Variants in ARHGAP35 observed in about 807,000 individuals in gnomAD.
The protein encoded by ARHGAP35 is rho GTPase-activating protein 35.
In ARHGAP35, 15 loss-of-function variants were observed where a neutral mutation model predicts 111.1. That is an observed-to-expected ratio of 0.13 (90% CI 0.09 to 0.21). ARHGAP35 has a LOEUF of 0.21. Ranked by LOEUF, ARHGAP35 falls within the 10% of genes least tolerant of loss-of-function variation. The probability of loss-of-function intolerance (pLI) is 1.00; values close to 1 mark genes in which losing one functional copy is unlikely to be tolerated. For synonymous variants in ARHGAP35, 643 were observed against 710.3 expected (o/e 0.91, Z 1.51); for missense variants, 1,262 against 1,873.0 (o/e 0.67, Z 6.02).
intron 1 of ARHGAP35, among the ~76,000 whole-genome samples, chr19:46,868,873 T>C (rs574061956): frequency 1.4e-4 from 21 of 151,558 alleles, no homozygotes; most frequent in African/African-American, 5.1e-4. Context: ...TCTTGAGTTA[T>C]TTAGGTGGAG....
chr19:46,895,321 G>A (rs1007547394), intron 1 of ARHGAP35, among the ~76,000 whole-genome samples: 74 of 152,050 alleles, frequency 4.9e-4, no homozygotes, highest in African/African-American at 1.7e-3. Context: ...TCACCACCAC[G>A]CCCGGCTAAT....
intron 1 of ARHGAP35, among the ~76,000 whole-genome samples, chr19:46,900,435 G>C (rs999838213): frequency 3.3e-5 from 5 of 152,140 alleles, no homozygotes; most frequent in African/African-American, 1.2e-4. Context: ...TGGCCAGGCT[G>C]GTCTCGAACT....
At chr19:46,987,155 A>G (rs558563441) in intron 3 of ARHGAP35, among the ~76,000 whole-genome samples, 26 of 151,752 alleles carry the variant, frequency 1.7e-4, no homozygotes, top group Admixed American at 5.3e-4. Context: ...CACCCTGCGC[A>G]AGTTAATTTT....
rs2056660594 is a variant in ARHGAP35 at position 46,988,085 on chromosome 19, A to G, written c.3904+19A>G. On this transcript the variant is annotated intron_variant, in intron 4 of 6. Coordinates refer to ENST00000672722, the MANE Select transcript of ARHGAP35 (RefSeq NM_004491.5). This position sits in a 1 kb window ranked among gnomAD's most constrained non-coding sequence, Gnocchi z 5.4. The stretch of plus-strand genomic sequence containing the variant: ...GATCAAGGTAAAGTGCAGCCTGGCC[A>G]GGCATCCGAGGCCAGAGCTGGTCAA... 1 of 1,610,402 alleles carries G rather than the reference A, an allele frequency of 6.2e-7. No individual in the cohort carries two copies. The highest frequency in any genetic ancestry group is 1.7e-5 in the Admixed American group (1 of 59,732).
At chr19:46,938,653 G>A (rs919833897) in intron 3 of ARHGAP35, among the ~76,000 whole-genome samples, 8 of 146,134 alleles carry the variant, frequency 5.5e-5, no homozygotes, top group East Asian at 4.2e-4. Context: ...GTGCCCAGCC[G>A]AAGATAGCAT....
intron 1 of ARHGAP35, among the ~76,000 whole-genome samples, chr19:46,914,145 G>T (rs906098451): frequency 2.0e-5 from 3 of 152,164 alleles, no homozygotes; most frequent in African/African-American, 7.2e-5. Flanking sequence ...TAGTAAAACT[G>T]CATTATCTAG....
At chr19:46,968,676 A>G (rs2122287592) in intron 3 of ARHGAP35, among the ~76,000 whole-genome samples, 1 of 152,370 alleles carries the variant, frequency 6.6e-6, no homozygotes, top group Admixed American at 6.5e-5. Flanking sequence ...CGTGCTACAG[A>G]TGGATGAACC....
At chr19:46,871,300 C>T (rs2122121602) in intron 1 of ARHGAP35, among the ~76,000 whole-genome samples, 1 of 152,292 alleles carries the variant, frequency 6.6e-6, no homozygotes, top group East Asian at 1.9e-4. Context: ...GCTATCAGGC[C>T]TGCAAACAAG....
At chr19:46,891,571 C>G (rs536797133) in intron 1 of ARHGAP35, among the ~76,000 whole-genome samples, 1 of 151,988 alleles carries the variant, frequency 6.6e-6, no homozygotes, top group Non-Finnish European at 1.5e-5. Flanking sequence ...GGACTACAGG[C>G]TAGCACCACC....
intron 1 of ARHGAP35, among the ~76,000 whole-genome samples, chr19:46,887,211 G>A (rs2055997100): frequency 6.6e-6 from 1 of 152,094 alleles, no homozygotes; most frequent in Admixed American, 6.6e-5. Context: ...ATGGGGGGTG[G>A]GGGAGCATAT....
chr19:46,978,672 G>A (rs1390198620), intron 3 of ARHGAP35, among the ~76,000 whole-genome samples: 1 of 50,432 alleles, frequency 2.0e-5, no homozygotes, highest in Non-Finnish European at 4.4e-5. Flanking sequence ...TGTGTGGTGG[G>A]GTTTGTGTGG....
rs769253328 is a variant in ARHGAP35 at position 46,918,794 on chromosome 19, A to G, written c.119A>G (p.Asn40Ser). ...QCGIGKSCLC[N>S]RFVRPSADEF... ...GGGATTGGAAAGTCTTGTTTGTGCA[A>G]CCGCTTCGTGCGCCCGAGTGCTGAC... is the stretch of plus-strand genomic sequence containing the variant. Residue 40 changes from asparagine to serine, a missense_variant, in exon 2 of 7, where the codon AAC becomes AGC. This residue lies in a region of ARHGAP35 where 125 missense variants were observed against 301.7 expected (regional missense o/e 0.41). Transcript: ENST00000672722. This position sits in a 1 kb window ranked among gnomAD's most constrained non-coding sequence, Gnocchi z 5.4. 1.9e-6 allele frequency: 3 copies of G among 1,613,840 alleles called. No individual in the cohort carries two copies. The highest frequency in any genetic ancestry group is 2.5e-6 in the Non-Finnish European group (3 of 1,179,886).
chr19:46,976,936 G>A (rs931486017), intron 3 of ARHGAP35, among the ~76,000 whole-genome samples: 8 of 152,112 alleles, frequency 5.3e-5, no homozygotes, highest in African/African-American at 1.9e-4. Context: ...AAATCCCCAT[G>A]CCTCTATAAC....
intron 1 of ARHGAP35, among the ~76,000 whole-genome samples, chr19:46,862,753 C>T (rs995556881): frequency 2.6e-5 from 4 of 152,136 alleles, no homozygotes; most frequent in Non-Finnish European, 5.9e-5. Flanking sequence ...ACTGTGTCCC[C>T]TCTCTGTTCC....
intron 1 of ARHGAP35, among the ~76,000 whole-genome samples, chr19:46,905,426 A>T (rs2056101796): frequency 6.7e-6 from 1 of 148,284 alleles, no homozygotes; most frequent in South Asian, 2.1e-4. Context: ...CCTAGGCTGG[A>T]GTGCAGTGGC....
rs550622631 is a variant in ARHGAP35 at position 46,955,958 on chromosome 19, C to G, written c.3826+18550C>G. Reference sequence around the variant, plus strand: ...ATCTGAAATCCAAAATGCCCCAAATCTGAACATTTTTCAGCACCAACATGA... The same window carrying G: ...ATCTGAAATCCAAAATGCCCCAAATGTGAACATTTTTCAGCACCAACATGA... On this transcript the variant is annotated intron_variant, in intron 3 of 6. Coordinates refer to ENST00000672722, the MANE Select transcript of ARHGAP35 (RefSeq NM_004491.5). Among the ~76,000 whole-genome samples, 3 of 152,294 alleles carry G rather than the reference C, an allele frequency of 2.0e-5. No homozygotes were observed. In the South Asian group the frequency reaches 6.2e-4, roughly 32 times the overall value.
Position 46,999,185 on chromosome 19 carries a change from GGTTA to G in ARHGAP35, c.4037-116_4037-113del. 1 of 673,970 alleles carries G rather than the reference GGTTA, an allele frequency of 1.5e-6. No individual in the cohort carries two copies. The highest frequency in any genetic ancestry group is 2.6e-6 in the Non-Finnish European group (1 of 383,782). The allele number at this position is 673,970 out of a possible 1,614,324, so 41.7% of individuals were successfully genotyped here. On this transcript the variant is annotated intron_variant, in intron 5 of 6. Transcript: ENST00000672722. This position sits in a 1 kb window ranked among gnomAD's most constrained non-coding sequence, Gnocchi z 5.4. ...GCACAGGCTTTGGGGGAAAGAGTGGGGTTAGTGTCATCCAAAAGCCCTGGGCTGT... is the reference window on the plus strand; with the variant it reads ...GCACAGGCTTTGGGGGAAAGAGTGGGGTGTCATCCAAAAGCCCTGGGCTGT...
rs1743563891 is a variant in ARHGAP35, at chr19:46,945,409, C to G, written c.3826+8001C>G. On this transcript the variant is annotated intron_variant, in intron 3 of 6. Coordinates refer to ENST00000672722, the MANE Select transcript of ARHGAP35 (RefSeq NM_004491.5). The surrounding 1 kb of genome is among the most constrained non-coding windows in gnomAD (Gnocchi z 4.1). ...TAGAATTATTCAATTCAGTGTACCTCTCTGGAATGGGGCAAGAGGTTACTT... is the reference window on the plus strand; with the variant it reads ...TAGAATTATTCAATTCAGTGTACCTGTCTGGAATGGGGCAAGAGGTTACTT... Among the ~76,000 whole-genome samples the G allele has an allele frequency of 6.6e-6, 1 of 152,126 alleles. No homozygotes were observed. Among genetic ancestry groups the G allele is most frequent in the African/African-American group, 2.4e-5 (1 of 41,426 alleles).
rs753199191 is a variant in ARHGAP35 at position 47,001,592 on chromosome 19, G to T, written c.*904G>T. On this transcript the variant is annotated 3_prime_UTR_variant, in exon 7 of 7. Coordinates refer to ENST00000672722, the MANE Select transcript of ARHGAP35 (RefSeq NM_004491.5). This position sits in a 1 kb window ranked among gnomAD's most constrained non-coding sequence, Gnocchi z 5.4. ...CCCACTCACCCACTTAGGTCTAGTCGCTAGATCCCCCGTTTTCCCAAGAAG... is the reference window on the plus strand; with the variant it reads ...CCCACTCACCCACTTAGGTCTAGTCTCTAGATCCCCCGTTTTCCCAAGAAG... The T allele has an allele frequency of 1.0e-5, 4 of 381,832 alleles. No individual in the cohort carries two copies. The highest frequency in any genetic ancestry group is 2.1e-5 in the South Asian group (1 of 47,274). 23.7% of individuals were successfully genotyped at this position (381,832 alleles called of 1,614,324 possible).
Sources: gnomAD v4.1 joint callset for allele counts (sites outside exome capture counted in the v4.1 genomes callset) on GRCh38, gnomAD v4.1.1 for gene constraint, gnomAD v4.1.1 regional missense constraint, Gnocchi (gnomAD v3.1) non-coding constraint, MANE v1.5 for transcripts, NCBI Gene and HGNC (gene_info 2026-07-23, HGNC 2026-07-21) for gene names.